The following PTPRD variants were observed in gnomAD, a reference collection of about 807,000 sequenced individuals.
PTPRD encodes the protein receptor-type tyrosine-protein phosphatase delta.
In PTPRD, 34 loss-of-function variants were observed where a neutral mutation model predicts 214.5. The ratio of observed to expected loss-of-function variants is 0.16; its 90% confidence interval spans 0.12 to 0.21. The LOEUF is 0.21. PTPRD is among the 10% of genes least tolerant of loss of function. The pLI is 1.00. For missense variants in PTPRD, 2,545 were observed against 2,398.7 expected (o/e 1.06, Z -1.27); for synonymous variants, 1,128 against 845.7 (o/e 1.33, Z -5.79).
rs2098751854 is a variant in PTPRD, at chr9:9,771,552, T to C, written c.-367-4701A>G. On this transcript the variant is annotated intron_variant, in intron 5 of 45. Transcript: ENST00000381196. ...CAAAGCTGTCAGAAGATCATAAGGA[T>C]AGGCAGCAGAGTTACTCCACATCAC... Among the ~76,000 whole-genome samples the C allele has an allele frequency of 2.0e-5, 3 of 152,192 alleles. No individual in the cohort carries two copies. The South Asian group carries it at 6.2e-4, about 32-fold the overall frequency.
chr9:10,041,594 T>A (rs1453966494), intron 3 of PTPRD, among the ~76,000 whole-genome samples: 1 of 151,948 alleles, frequency 6.6e-6, no homozygotes. Flanking sequence ...TATTAGAGAC[T>A]TTACTAGATT....
chr9:9,482,936 T>A (rs1357892015), intron 8 of PTPRD, among the ~76,000 whole-genome samples: 1 of 152,174 alleles, frequency 6.6e-6, no homozygotes, highest in African/African-American at 2.4e-5. Flanking sequence ...TCTCTTTAAA[T>A]AGTTTCTTAA....
chr9:9,012,886 T>C (rs2099517526), intron 11 of PTPRD, among the ~76,000 whole-genome samples: 1 of 152,180 alleles, frequency 6.6e-6, no homozygotes, highest in Admixed American at 6.6e-5. Context: ...ATTCACTATC[T>C]ACTGGCCTAC....
At chr9:9,459,795 A>G (rs1256836469) in intron 8 of PTPRD, among the ~76,000 whole-genome samples, 5 of 152,100 alleles carry the variant, frequency 3.3e-5, no homozygotes, top group Admixed American at 3.3e-4. Context: ...ATTAAATATG[A>G]TCCCTATCAA....
intron 39 of PTPRD, among the ~76,000 whole-genome samples, chr9:8,348,634 C>T (rs2074531286): frequency 6.6e-6 from 1 of 152,112 alleles, no homozygotes; most frequent in South Asian, 2.1e-4. Context: ...AGGCATTGAT[C>T]TCACTGTTAA....
chr9:9,954,309 A>G (rs1006320417), intron 4 of PTPRD, among the ~76,000 whole-genome samples: 1 of 144,038 alleles, frequency 6.9e-6, no homozygotes. Context: ...AAAAAAAAAA[A>G]AAAAAAAAAA....
chr9:8,472,366 T>C (rs992831493), intron 30 of PTPRD, among the ~76,000 whole-genome samples: 5 of 152,176 alleles, frequency 3.3e-5, no homozygotes, highest in Admixed American at 6.5e-5. Flanking sequence ...CCCAACCCTG[T>C]GTCACACTGA....
chr9:8,981,786 A>G (rs1170726785), intron 11 of PTPRD, among the ~76,000 whole-genome samples: 1 of 152,076 alleles, frequency 6.6e-6, no homozygotes, highest in African/African-American at 2.4e-5. Context: ...TACTATGCAA[A>G]AAGGCAATGT....
intron 8 of PTPRD, among the ~76,000 whole-genome samples, chr9:9,446,129 A>C (rs571402661): frequency 9.6e-4 from 146 of 152,284 alleles, no homozygotes; most frequent in African/African-American, 3.4e-3. Context: ...TGCACGTGGC[A>C]CCTCCAAGAT....
Position 9,773,774 on chromosome 9 carries a change from C to T in PTPRD, c.-367-6923G>A, listed in dbSNP as rs984674938. Among the ~76,000 whole-genome samples the T allele has an allele frequency of 3.4e-4, 52 of 152,166 alleles. 1 individual carries two copies. Among genetic ancestry groups the T allele is most frequent in the Admixed American group, 2.6e-3 (40 of 15,288 alleles). ...TACCAGGTTGCCTGGAACATTCCAA[C>T]ATCCAATTCTTTTATAAACTGTGAA... On this transcript the variant is annotated intron_variant, in intron 5 of 45. Transcript: ENST00000381196.
intron 2 of PTPRD, among the ~76,000 whole-genome samples, chr9:10,589,599 G>A (rs1319086318): frequency 3.3e-5 from 5 of 152,050 alleles, no homozygotes; most frequent in African/African-American, 1.2e-4. Flanking sequence ...ATGAATTACT[G>A]TGGTAACAGC....
intron 9 of PTPRD, among the ~76,000 whole-genome samples, chr9:9,193,208 T>C (rs1288577309): frequency 1.3e-5 from 2 of 152,148 alleles, no homozygotes; most frequent in Non-Finnish European, 2.9e-5. Context: ...AATCCACTGA[T>C]TGATAAATAT....
intron 8 of PTPRD, among the ~76,000 whole-genome samples, chr9:9,557,645 A>G (rs538272259): frequency 1.3e-5 from 2 of 152,214 alleles, no homozygotes; most frequent in African/African-American, 4.8e-5. Flanking sequence ...CTTCATCTGC[A>G]TAAGAACCTT....
At chr9:10,133,005 C>A (rs78271328) in intron 3 of PTPRD, among the ~76,000 whole-genome samples, 1 of 152,126 alleles carries the variant, frequency 6.6e-6, no homozygotes, top group Non-Finnish European at 1.5e-5. Context: ...CATGCCCTCT[C>A]GTTACTTGTT....
intron 3 of PTPRD, among the ~76,000 whole-genome samples, chr9:10,100,310 T>A (rs1202375633): frequency 6.6e-6 from 1 of 151,648 alleles, no homozygotes; most frequent in African/African-American, 2.4e-5. Flanking sequence ...TACCATATTA[T>A]CCTCAATCTA....
intron 9 of PTPRD, among the ~76,000 whole-genome samples, chr9:9,233,151 T>G (rs893916256): frequency 5.9e-5 from 9 of 152,114 alleles, no homozygotes; most frequent in Non-Finnish European, 1.2e-4. Context: ...AAAAGAGGTT[T>G]AATTGACTCC....
Position 8,733,893 on chromosome 9 carries a change from G to A in PTPRD, c.-50C>T, listed in dbSNP as rs1256744536. 6 of 1,530,884 alleles carry A rather than the reference G, an allele frequency of 3.9e-6. No homozygotes were observed. The East Asian group carries it at 7.4e-5, about 19-fold the overall frequency. The allele number at this position is 1,530,884 out of a possible 1,614,324, so 94.8% of individuals were successfully genotyped here. On this transcript the variant is annotated 5_prime_UTR_variant, in exon 12 of 46. Transcript: ENST00000381196. ...CGAGCAGCTTGGAATCACTGCCTCCGGAGCCGCAGCGAGTCTGTCCGATCT... is the reference window on the plus strand; with the variant it reads ...CGAGCAGCTTGGAATCACTGCCTCCAGAGCCGCAGCGAGTCTGTCCGATCT...
chr9:8,558,621 G>A (rs916691765), intron 14 of PTPRD, among the ~76,000 whole-genome samples: 4 of 152,194 alleles, frequency 2.6e-5, no homozygotes, highest in African/African-American at 4.8e-5. Flanking sequence ...GCCAGATGAA[G>A]CCTAGAACCC....
intron 8 of PTPRD, among the ~76,000 whole-genome samples, chr9:9,478,660 C>T (rs567956297): frequency 3.3e-5 from 5 of 152,170 alleles, no homozygotes; most frequent in Non-Finnish European, 7.4e-5. Context: ...AGTGTTAATG[C>T]CAACAAAGGT....
Sources: gnomAD v4.1 joint callset for allele counts (sites outside exome capture counted in the v4.1 genomes callset) on GRCh38, gnomAD v4.1.1 for gene constraint, MANE v1.5 for transcripts, NCBI Gene and HGNC (gene_info 2026-07-23, HGNC 2026-07-21) for gene names.